PDILT: variants seen among roughly 807,000 people sequenced by gnomAD.
PDILT encodes protein disulfide-isomerase-like protein of the testis.
In PDILT, 43 loss-of-function variants were observed where a neutral mutation model predicts 53.7. The observed-to-expected ratio is 0.80, with a 90% CI of 0.63 to 1.03. The LOEUF is 1.03. Among genes scored for constraint, PDILT ranks in the 50% least tolerant of loss-of-function variants. The pLI is 0.00. For missense variants in PDILT, 727 were observed against 712.3 expected (o/e 1.02, Z -0.24); for synonymous variants, 282 against 274.2 (o/e 1.03, Z -0.28).
intron 8 of PDILT, among the ~76,000 whole-genome samples, chr16:20,366,648 C>T (rs1319895056): frequency 6.6e-6 from 1 of 152,156 alleles, no homozygotes; most frequent in Non-Finnish European, 1.5e-5. Context: ...AAAAAATGAG[C>T]TCAGCTTTTG....
At chr16:20,366,987 C>CCTTCCTTT (rs1491455435) in intron 8 of PDILT, among the ~76,000 whole-genome samples, 3,754 of 83,070 alleles carry the variant, frequency 0.045, 389 homozygotes, top group East Asian at 0.11. Flanking sequence ...TTCCTTCCTT[C>CCTTCCTTT]CTTTCTTTCT....
At chr16:20,400,286 G>T (rs1966720848) in intron 1 of PDILT, among the ~76,000 whole-genome samples, 1 of 151,952 alleles carries the variant, frequency 6.6e-6, no homozygotes, top group African/African-American at 2.4e-5. Flanking sequence ...TGTTGGCCAG[G>T]CTGGTCTCGA....
chr16:20,362,440 G>A lies in PDILT; in HGVS notation c.1380C>T (p.Tyr460=), dbSNP rs753450940. The change falls in exon 10 of 12, where the codon TAC becomes TAT. Residue 460 remains tyrosine, a synonymous_variant. Transcript: ENST00000302451. ...NDIQLMYLDR[Y]PFFRLFPSGS... ...CGCTGGGGAACAGCCTGAAGAATGGGTACCGGTCCAGGTACATCAGCTGAA... is the reference window on the plus strand; with the variant it reads ...CGCTGGGGAACAGCCTGAAGAATGGATACCGGTCCAGGTACATCAGCTGAA... 1 of 1,614,188 alleles carries A rather than the reference G, an allele frequency of 6.2e-7. No homozygotes were observed. Among genetic ancestry groups the A allele is most frequent in the South Asian group, 1.1e-5 (1 of 91,068 alleles).
intron 8 of PDILT, among the ~76,000 whole-genome samples, chr16:20,367,090 T>TCTTCCTTC (rs1555489458): frequency 1.1e-5 from 1 of 91,486 alleles, no homozygotes; most frequent in African/African-American, 5.0e-5. Context: ...TTTCTTTCTT[T>TCTTCCTTC]CTTTCTTTCT....
At chr16:20,381,495 G>A (rs1354573938) in intron 3 of PDILT, among the ~76,000 whole-genome samples, 2 of 151,972 alleles carry the variant, frequency 1.3e-5, no homozygotes, top group Non-Finnish European at 2.9e-5. Context: ...AATTAGCTGG[G>A]AGTGGTGGCA....
intron 11 of PDILT, among the ~76,000 whole-genome samples, chr16:20,359,884 T>TCTAATACCCAGGTG (rs1567317175): frequency 6.6e-6 from 1 of 152,210 alleles, no homozygotes; most frequent in African/African-American, 2.4e-5. Flanking sequence ...TCTTAGCTAA[T>TCTAATACCCAGGTG]GAGATCTCTG....
rs1567321911 is a variant in PDILT, at chr16:20,369,570, C to G, written c.1038G>C (p.Arg346Ser). ...VQILNLSSDA[R>S]YKMPSDDITY... ...TTATGTCATCTGAAGGCATTTTGTACCTGGCGTCAGAGCTCAAGTTTAGGA... is the reference window on the plus strand; with the variant it reads ...TTATGTCATCTGAAGGCATTTTGTAGCTGGCGTCAGAGCTCAAGTTTAGGA... The change falls in exon 8 of 12, where the codon AGG (arginine) becomes AGC (serine). Residue 346 changes from arginine to serine, a missense_variant. Arg to Ser is a moderately radical substitution (Grantham distance 110, BLOSUM62 -1). Transcript: ENST00000302451. The G allele has an allele frequency of 1.1e-5, 17 of 1,614,192 alleles. No homozygotes were observed. The highest frequency in any genetic ancestry group is 1.4e-5 in the Non-Finnish European group (16 of 1,180,040).
intron 9 of PDILT, among the ~76,000 whole-genome samples, chr16:20,363,697 TATGTCATGTCATTTATAGGTAATTAC>T (rs993700390): frequency 2.0e-5 from 3 of 152,218 alleles, no homozygotes; most frequent in Non-Finnish European, 2.9e-5. Context: ...TATGTTATGT[TATGTCATGTCATTTATAGGTAATTAC>T]ATGTCATGTT....
chr16:20,378,893 T>C (rs915666139), intron 3 of PDILT, among the ~76,000 whole-genome samples: 43 of 152,224 alleles, frequency 2.8e-4, no homozygotes, highest in African/African-American at 8.4e-4. Flanking sequence ...TCTGGTTTCA[T>C]TATGTTTGTG....
rs151143507 is a variant in PDILT at position 20,360,543 on chromosome 16, T to C, written c.1506+25A>G. 13 of 1,569,700 alleles carry C rather than the reference T, an allele frequency of 8.3e-6. No individual in the cohort carries two copies. In the East Asian group the frequency reaches 2.0e-4, roughly 24 times the overall value. ...GGGATTCTGTGTGGGACAGAATAAT[T>C]CAGAGTATTTCTGTTGCCCCTTACC... On this transcript the variant is annotated intron_variant, in intron 11 of 11. Coordinates refer to ENST00000302451, the MANE Select transcript of PDILT (RefSeq NM_174924.2).
In PDILT at chr16:20,399,223, G is replaced by A. The variant is rs771959246; in HGVS notation, c.78C>T (p.Ala26=). ...TGGTTATGTGGATGCTGGAAACACC[G>A]GCGTTAACCTCTGGTGAGCTGTGGA... ...SAVHSSPEVN[A]GVSSIHITKP... Residue 26 remains alanine, a synonymous_variant, in exon 2 of 12, where the codon GCC becomes GCT. Transcript: ENST00000302451. 17 of 1,614,020 alleles carry A rather than the reference G, an allele frequency of 1.1e-5. No individual in the cohort carries two copies. The highest frequency in any genetic ancestry group is 3.3e-5 in the South Asian group (3 of 91,094).
At chr16:20,365,721 C>A (rs1476720203) in intron 8 of PDILT, among the ~76,000 whole-genome samples, 181 bp from the exon 9 acceptor site, 1 of 152,038 alleles carries the variant, frequency 6.6e-6, no homozygotes, top group Non-Finnish European at 1.5e-5. Context: ...TGGTTCAGGG[C>A]GATTTGGGGT....
rs1185792400 is a variant in PDILT at position 20,399,226 on chromosome 16, G to A, written c.75C>T (p.Asn25=). 5.0e-6 allele frequency: 8 copies of A among 1,614,098 alleles called. No individual in the cohort carries two copies. The highest frequency in any genetic ancestry group is 1.7e-5 in the Admixed American group (1 of 60,030). The change falls in exon 2 of 12, where the codon AAC becomes AAT. Residue 25 remains asparagine, a synonymous_variant. Coordinates refer to ENST00000302451, the MANE Select transcript of PDILT (RefSeq NM_174924.2). ...TTATGTGGATGCTGGAAACACCGGC[G>A]TTAACCTCTGGTGAGCTGTGGACAG... ...VSAVHSSPEV[N]AGVSSIHITK...
At chr16:20,397,021 G>A (rs1966670496) in intron 2 of PDILT, among the ~76,000 whole-genome samples, 1 of 152,170 alleles carries the variant, frequency 6.6e-6, no homozygotes, top group African/African-American at 2.4e-5. Context: ...TGATGATAGT[G>A]GAAGCCAACA....
chr16:20,381,197 ACC>A (rs1160883889), intron 3 of PDILT, among the ~76,000 whole-genome samples: 1 of 152,232 alleles, frequency 6.6e-6, no homozygotes, highest in African/African-American at 2.4e-5. Context: ...TGGGGCTTTG[ACC>A]CTGCAAGGAC....
chr16:20,380,876 C>A (rs143528703), intron 3 of PDILT, among the ~76,000 whole-genome samples: 1 of 152,318 alleles, frequency 6.6e-6, no homozygotes, highest in African/African-American at 2.4e-5. Flanking sequence ...GCCCCTCTGG[C>A]CCCTGTGGGA....
In PDILT at chr16:20,400,414, CTT is replaced by C. The variant is rs11343462; in HGVS notation, c.-7-1109_-7-1108del. On this transcript the variant is annotated intron_variant, in intron 1 of 11. Coordinates refer to ENST00000302451, the MANE Select transcript of PDILT (RefSeq NM_174924.2). Reference sequence around the variant, plus strand: ...TAAATATAAATGGAATCAGATGATACTTTTTTTTTTTTTTTTTTGCAGCTTGG... The same window carrying C: ...TAAATATAAATGGAATCAGATGATACTTTTTTTTTTTTTTTTGCAGCTTGG... Among the ~76,000 whole-genome samples the C allele has an allele frequency of 4.4e-3, 567 of 130,060 alleles. 1 individual carries two copies. The highest frequency in any genetic ancestry group is 0.014 in the African/African-American group (497 of 34,980). The allele number at this position is 130,060 out of a possible 152,430, so 85.3% of individuals were successfully genotyped here.
intron 2 of PDILT, 70 bp from the exon 3 acceptor site, chr16:20,384,921 T>C (rs1966513798): frequency 1.3e-5 from 19 of 1,477,780 alleles, no homozygotes; most frequent in Non-Finnish European, 1.7e-5. Context: ...AGATTATTTG[T>C]TGGGCCTGCT....
At chr16:20,393,887 T>C (rs149685526) in intron 2 of PDILT, among the ~76,000 whole-genome samples, 149 of 152,338 alleles carry the variant, frequency 9.8e-4, no homozygotes, top group African/African-American at 3.4e-3. Context: ...GGTCTTCTGA[T>C]TTTTTGAAGA....
Sources: gnomAD v4.1 joint callset for allele counts (sites outside exome capture counted in the v4.1 genomes callset) on GRCh38, gnomAD v4.1.1 for gene constraint, MANE v1.5 for transcripts, NCBI Gene and HGNC (gene_info 2026-07-23, HGNC 2026-07-21) for gene names.